STK24: variants seen among roughly 807,000 people sequenced by gnomAD.
The protein encoded by STK24 is serine/threonine-protein kinase 24.
In STK24, 21 loss-of-function variants were observed where a neutral mutation model predicts 55.6. The ratio of observed to expected loss-of-function variants is 0.38; its 90% CI spans 0.27 to 0.54. The LOEUF (loss-of-function observed/expected upper bound fraction) is 0.54. Ranked by LOEUF, STK24 falls within the 20% of genes least tolerant of loss-of-function variation. STK24 has a pLI of 0.79. For missense variants in STK24, 383 were observed against 538.4 expected, an observed-to-expected ratio of 0.71 and a Z score of 2.86; for synonymous variants, 200 against 215.2, an observed-to-expected ratio of 0.93 and a Z score of 0.62.
intron 5 of STK24, among the ~76,000 whole-genome samples, chr13:98,469,138 C>T (rs1351255576): frequency 6.6e-6 from 1 of 152,238 alleles, no homozygotes; most frequent in Non-Finnish European, 1.5e-5. Context: ...CCTGCTTCTG[C>T]ACGCAGTGTG....
chr13:98,507,587 A>G (rs1222031968), intron 2 of STK24, among the ~76,000 whole-genome samples: 3 of 152,242 alleles, frequency 2.0e-5, no homozygotes, highest in Non-Finnish European at 4.4e-5. Context: ...TTACACAAGG[A>G]ATACCGTATC....
intron 1 of STK24, among the ~76,000 whole-genome samples, chr13:98,523,674 C>T (rs1328217672): frequency 6.6e-6 from 1 of 152,216 alleles, no homozygotes; most frequent in East Asian, 1.9e-4. Context: ...CTCAAGTCAT[C>T]CTGGGCCACC....
At chr13:98,576,139 T>A (rs1235845378) in intron 1 of STK24, 7 of 985,152 alleles carry the variant, frequency 7.1e-6, no homozygotes, top group Non-Finnish European at 8.4e-6. Context: ...CAACTCGCAC[T>A]TTCCCCCGGT....
chr13:98,510,038 C>G (rs1200590107), intron 2 of STK24, among the ~76,000 whole-genome samples: 2 of 152,204 alleles, frequency 1.3e-5, no homozygotes, highest in Non-Finnish European at 2.9e-5. Flanking sequence ...TTTTCAAAAG[C>G]ATCTTCTAAA....
Position 98,497,536 on chromosome 13 carries a change from A to G in STK24, c.274-15215T>C, listed in dbSNP as rs561265820. On this transcript the variant is annotated intron_variant, in intron 2 of 10. Coordinates refer to ENST00000539966, the MANE Select transcript of STK24 (RefSeq NM_001032296.4). ...AGAGAGGTCAGAACCTCTTGTCCCA[A>G]TCTCACACTGCTTACCTCAAATGAC... Among the ~76,000 whole-genome samples the G allele has an allele frequency of 3.3e-5, 5 of 152,276 alleles. No homozygotes were observed. The South Asian group carries it at 6.2e-4, about 19-fold the overall frequency.
intron 2 of STK24, among the ~76,000 whole-genome samples, chr13:98,494,498 CA>C (rs1895174424): frequency 6.7e-6 from 1 of 150,104 alleles, no homozygotes; most frequent in African/African-American, 2.4e-5. Flanking sequence ...TGCTGTATTT[CA>C]AATGCATGGG....
chr13:98,508,080 C>A (rs9513435), intron 2 of STK24, among the ~76,000 whole-genome samples: 3 of 152,028 alleles, frequency 2.0e-5, no homozygotes, highest in African/African-American at 4.8e-5. Context: ...ATGACGGTCC[C>A]AGCTACCCAG....
In STK24 at chr13:98,448,359, A is replaced by G. The variant is rs1892994583; in HGVS notation, c.*4814T>C. 3.0e-5 allele frequency: 44 copies of G among 1,450,446 alleles called. No homozygotes were observed. The highest frequency in any genetic ancestry group is 4.3e-5 in the Non-Finnish European group (44 of 1,030,786). The allele number at this position is 1,450,446 out of a possible 1,614,324, so 89.8% of individuals were successfully genotyped here. On this transcript the variant is annotated 3_prime_UTR_variant, in exon 11 of 11. Transcript: ENST00000539966. ...TTTCCGCAGTGGCTGCTTTCCTGGA[A>G]GACGTTTCCTTTCTTCTGTATTAAT...
intron 1 of STK24, among the ~76,000 whole-genome samples, chr13:98,558,102 G>C (rs1897321913): frequency 6.6e-6 from 1 of 152,024 alleles, no homozygotes; most frequent in Non-Finnish European, 1.5e-5. Flanking sequence ...TCTGCTACTG[G>C]GCCATAAGCT....
intron 1 of STK24, among the ~76,000 whole-genome samples, chr13:98,529,802 C>T (rs1896534597): frequency 6.6e-6 from 1 of 152,150 alleles, no homozygotes; most frequent in Non-Finnish European, 1.5e-5. Flanking sequence ...TGCAATGACT[C>T]TACCCAACTT....
intron 8 of STK24, 60 bp from the exon 9 acceptor site, chr13:98,460,500 T>G (rs4772083): frequency 0.83 from 1,206,228 of 1,445,150 alleles, 512,569 homozygotes; most frequent in Non-Finnish European, 0.89. Context: ...TGGCAATAAT[T>G]TAATAAACCT....
At chr13:98,555,031 A>AAAAAAAAAAAG (rs1555312204) in intron 1 of STK24, among the ~76,000 whole-genome samples, 5 of 143,582 alleles carry the variant, frequency 3.5e-5, no homozygotes, top group Non-Finnish European at 6.0e-5. Flanking sequence ...AAAAAAAAAA[A>AAAAAAAAAAAG]AAAGAAAGAA....
At chr13:98,571,162 G>A (rs1405932666) in intron 1 of STK24, among the ~76,000 whole-genome samples, 2 of 152,150 alleles carry the variant, frequency 1.3e-5, no homozygotes, top group Non-Finnish European at 2.9e-5. Flanking sequence ...GTGTGTAACC[G>A]CACAAGCACA....
chr13:98,524,362 C>G (rs2139391089), intron 1 of STK24, among the ~76,000 whole-genome samples: 1 of 152,304 alleles, frequency 6.6e-6, no homozygotes, highest in African/African-American at 2.4e-5. Flanking sequence ...AGTGTTCGCT[C>G]TGCCTCCTGG....
chr13:98,554,751 A>G (rs897485912), intron 1 of STK24, among the ~76,000 whole-genome samples: 2 of 152,236 alleles, frequency 1.3e-5, no homozygotes, highest in Non-Finnish European at 2.9e-5. Context: ...GCGGTGGCTC[A>G]CACCTATAAT....
At chr13:98,532,623 G>A (rs1896610844) in intron 1 of STK24, among the ~76,000 whole-genome samples, 1 of 152,166 alleles carries the variant, frequency 6.6e-6, no homozygotes, top group Admixed American at 6.5e-5. Flanking sequence ...ATAAAAATCA[G>A]TATTTATCAA....
intron 1 of STK24, among the ~76,000 whole-genome samples, chr13:98,520,351 A>C (rs1896216506): frequency 6.6e-6 from 1 of 152,202 alleles, no homozygotes; most frequent in Admixed American, 6.5e-5. Flanking sequence ...GGTGACAAGC[A>C]CTAGCCTGGA....
chr13:98,555,390 G>A (rs1025454334), intron 1 of STK24, among the ~76,000 whole-genome samples: 10 of 151,896 alleles, frequency 6.6e-5, no homozygotes, highest in East Asian at 2.0e-4. Flanking sequence ...GACCATCCTG[G>A]CTAATACGGT....
intron 1 of STK24, chr13:98,553,531 G>T: frequency 5.7e-6 from 1 of 176,420 alleles, no homozygotes; most frequent in Non-Finnish European, 1.3e-5. Flanking sequence ...GGCCTCCTTT[G>T]GCCTTTTTCC....
Sources: allele counts gnomAD v4.1 joint callset (sites outside exome capture counted in the v4.1 genomes callset), GRCh38; gene constraint gnomAD v4.1.1; transcripts MANE v1.5; gene names NCBI Gene and HGNC (gene_info 2026-07-23, HGNC 2026-07-21).